The following HOXD11 variants were observed in gnomAD, a reference collection of about 807,000 sequenced individuals.
HOXD11 encodes homeobox D11, also known as homeobox protein Hox-D11.
HOXD11 carries 16 observed loss-of-function variants against 23.1 expected under a neutral mutation model. The observed-to-expected ratio is 0.69, with a 90% CI of 0.47 to 1.05. HOXD11 has a LOEUF of 1.05. Ranked by LOEUF, HOXD11 falls within the 50% of genes least tolerant of loss-of-function variation. The pLI is 0.00. For synonymous variants in HOXD11, 262 were observed against 224.4 expected, an observed-to-expected ratio of 1.17 and a Z score of -1.50; for missense variants, 564 against 495.6, an observed-to-expected ratio of 1.14 and a Z score of -1.31.
At position 176,107,801 on chromosome 2, in the gene HOXD11, C is replaced by T. The variant is rs1261156422; in HGVS notation, c.446C>T (p.Ala149Val). ...TTCAAGGCGCCTGAGCCGGTGTGCG[C>T]TGCGCCGGGGCCGCCGCACGGCCCC... ...VLFKAPEPVC[A>V]APGPPHGPAG... The change falls in exon 1 of 2, where the codon GCT becomes GTT. Residue 149 changes from alanine to valine, a missense_variant. By Grantham distance (64) the Ala-to-Val change is moderately conservative. Transcript: ENST00000249504. 7 of 1,386,788 alleles carry T rather than the reference C, an allele frequency of 5.0e-6. No homozygotes were observed. The highest frequency in any genetic ancestry group is 5.6e-6 in the Non-Finnish European group (6 of 1,070,096). 85.9% of individuals were successfully genotyped at this position (1,386,788 alleles called of 1,614,324 possible).
downstream of HOXD11, chr2:176,109,808 T>A (rs1689650511): frequency 1.8e-5 from 3 of 169,756 alleles, no homozygotes; most frequent in South Asian, 2.0e-4. Flanking sequence ...ACACTGGTTT[T>A]AAAAATCATG....
rs1266179699 is a variant in HOXD11 at position 176,109,472 on chromosome 2, G to A, written c.*330G>A. 26 of 317,356 alleles carry A rather than the reference G, an allele frequency of 8.2e-5. No homozygotes were observed. Among genetic ancestry groups the A allele is most frequent in the South Asian group, 6.8e-5 (1 of 14,628 alleles). The allele number at this position is 317,356 out of a possible 1,614,324, so 19.7% of individuals were successfully genotyped here. ...GTCTGTAGGAAGTTGGGCCGGGTTG[G>A]GGGTTGCTAGAAGGCGCTGGTGTTT... On this transcript the variant is annotated 3_prime_UTR_variant, in exon 2 of 2. Coordinates refer to ENST00000249504, the MANE Select transcript of HOXD11 (RefSeq NM_021192.3).
chr2:176,108,696 T>TGTGTGTCC (rs960078937), intron 1 of HOXD11: 9 of 579,022 alleles, frequency 1.6e-5, no homozygotes, highest in African/African-American at 1.5e-4. Flanking sequence ...TGTGTGTGTG[T>TGTGTGTCC]GTCCGGGCGT....
chr2:176,114,709 A>C (rs867809003), downstream of HOXD11, among the ~76,000 whole-genome samples: 48 of 152,206 alleles, frequency 3.2e-4, no homozygotes, highest in African/African-American at 9.9e-4. Context: ...CGGGCGGGCT[A>C]CTAGGTCCCC....
In HOXD11 at chr2:176,107,293, G is replaced by A. The variant is rs775774357; in HGVS notation, c.-63G>A. ...CCTGGCCCAAGCCTCTTGTGCAATC[G>A]ATGGCTCAGGTTGGCTGCGCGGGGA... On this transcript the variant is annotated 5_prime_UTR_variant, in exon 1 of 2. Coordinates refer to ENST00000249504, the MANE Select transcript of HOXD11 (RefSeq NM_021192.3). 3 of 1,556,776 alleles carry A rather than the reference G, an allele frequency of 1.9e-6. No individual in the cohort carries two copies. Among genetic ancestry groups the A allele is most frequent in the Non-Finnish European group, 2.6e-6 (3 of 1,150,086 alleles).
downstream of HOXD11, among the ~76,000 whole-genome samples, chr2:176,114,526 A>C (rs1689720921): frequency 6.6e-6 from 1 of 151,692 alleles, no homozygotes; most frequent in Non-Finnish European, 1.5e-5. Context: ...TCTCATTGCC[A>C]CCGCGGAGTT....
chr2:176,107,466 A>G lies in HOXD11; in HGVS notation c.111A>G (p.Gln37=). 2 of 1,613,608 alleles carry G rather than the reference A, an allele frequency of 1.2e-6. No individual in the cohort carries two copies. Among genetic ancestry groups the G allele is most frequent in the African/African-American group, 2.7e-5 (2 of 74,938 alleles). ...CTAGCAAGCCTTCGTTCCTTTCCCA[A>G]CCGTCGTCCTGCCAGATGACTTTCC... is the stretch of plus-strand genomic sequence containing the variant. ...DFASKPSFLS[Q]PSSCQMTFPY... Residue 37 remains glutamine, a synonymous_variant, in exon 1 of 2, where the codon CAA becomes CAG. Coordinates refer to ENST00000249504, the MANE Select transcript of HOXD11 (RefSeq NM_021192.3).
chr2:176,109,410 C>A lies in HOXD11; in HGVS notation c.*268C>A. 1 of 409,648 alleles carries A rather than the reference C, an allele frequency of 2.4e-6. No homozygotes were observed. Among genetic ancestry groups the A allele is most frequent in the East Asian group, 4.0e-5 (1 of 24,772 alleles). The allele number at this position is 409,648 out of a possible 1,614,324, so 25.4% of individuals were successfully genotyped here. ...TTACCGCCAGTGTGCTGTCGTTCCC[C>A]CTCCCCCTCTCCGAGTCCTCGTGGG... On this transcript the variant is annotated 3_prime_UTR_variant, in exon 2 of 2. Coordinates refer to ENST00000249504, the MANE Select transcript of HOXD11 (RefSeq NM_021192.3).
Position 176,107,831 on chromosome 2 carries a change from G to A in HOXD11, c.476G>A (p.Gly159Asp). The A allele has an allele frequency of 7.0e-7, 1 of 1,428,876 alleles. No homozygotes were observed. Among genetic ancestry groups the A allele is most frequent in the Non-Finnish European group, 9.2e-7 (1 of 1,088,208 alleles). 88.5% of individuals were successfully genotyped at this position (1,428,876 alleles called of 1,614,324 possible). Residue 159 changes from glycine (G) to aspartate (D), a missense_variant, in exon 1 of 2, where the codon GGC becomes GAC. Transcript: ENST00000249504. ...AAPGPPHGPA[G>D]AASNFYSAVG... ...CCGGGGCCGCCGCACGGCCCCGCGG[G>A]CGCCGCCTCCAACTTCTACAGCGCG...
chr2:176,107,794 G>T lies in HOXD11; in HGVS notation c.439G>T (p.Val147Leu), dbSNP rs575039707. 7.3e-6 allele frequency: 10 copies of T among 1,368,902 alleles called. No individual in the cohort carries two copies. The East Asian group carries it at 2.3e-4, about 32-fold the overall frequency. The allele number at this position is 1,368,902 out of a possible 1,614,324, so 84.8% of individuals were successfully genotyped here. A position where few individuals can be genotyped will look rare whatever the true frequency, so the allele number is the denominator to read the frequency against. ...CGTGCTCTTCAAGGCGCCTGAGCCG[G>T]TGTGCGCTGCGCCGGGGCCGCCGCA... Reference protein sequence around the residue: ...PDVLFKAPEPVCAAPGPPHGP... With the variant: ...PDVLFKAPEPLCAAPGPPHGP... The change falls in exon 1 of 2, where the codon GTG becomes TTG. Residue 147 changes from valine (V) to leucine (L), a missense_variant. Val to Leu is a conservative substitution (Grantham distance 32, BLOSUM62 1). Transcript: ENST00000249504.
chr2:176,114,343 C>T (rs1421413134), downstream of HOXD11, among the ~76,000 whole-genome samples: 2 of 152,026 alleles, frequency 1.3e-5, no homozygotes, highest in Admixed American at 1.3e-4. Context: ...TTTGTTTTTC[C>T]GGCCATCCTC....
Position 176,108,113 on chromosome 2 carries a change from G to C in HOXD11, c.758G>C (p.Gly253Ala). ...GGCGAGGGCCCCCCGGGAGAGGCGG[G>C]GGCCGAGAAGAGCAGCAGCGCAGGT... The part of the protein sequence containing the change: ...GDGEGPPGEA[G>A]AEKSSSAVAP... Residue 253 changes from glycine to alanine, a missense_variant, in exon 1 of 2, where the codon GGG becomes GCG. By Grantham distance (60) the Gly-to-Ala change is moderately conservative. Coordinates refer to ENST00000249504, the MANE Select transcript of HOXD11 (RefSeq NM_021192.3). 1 of 1,443,176 alleles carries C rather than the reference G, an allele frequency of 6.9e-7. No individual in the cohort carries two copies. The highest frequency in any genetic ancestry group is 9.1e-7 in the Non-Finnish European group (1 of 1,102,992). 89.4% of individuals were successfully genotyped at this position (1,443,176 alleles called of 1,614,324 possible).
chr2:176,114,384 C>A (rs966003019), downstream of HOXD11, among the ~76,000 whole-genome samples: 3 of 152,118 alleles, frequency 2.0e-5, no homozygotes, highest in Non-Finnish European at 4.4e-5. Flanking sequence ...AAAACAGCCA[C>A]CCCTGTGGAA....
At chr2:176,111,720 G>A (rs1187484704), downstream of HOXD11, among the ~76,000 whole-genome samples, 1 of 149,250 alleles carries the variant, frequency 6.7e-6, no homozygotes, top group East Asian at 2.0e-4. Context: ...AGATACCATA[G>A]CCACTGCTGG....
chr2:176,110,700 C>G (rs1289065969), downstream of HOXD11, among the ~76,000 whole-genome samples: 1 of 152,188 alleles, frequency 6.6e-6, no homozygotes, highest in Non-Finnish European at 1.5e-5. Context: ...GCCACCCACT[C>G]TCACACATAC....
At position 176,108,064 on chromosome 2, in the gene HOXD11, G is replaced by C; in HGVS notation, c.709G>C (p.Ala237Pro). 1 of 1,481,676 alleles carries C rather than the reference G, an allele frequency of 6.7e-7. No homozygotes were observed. Among genetic ancestry groups the C allele is most frequent in the Non-Finnish European group, 8.9e-7 (1 of 1,123,138 alleles). 91.8% of individuals were successfully genotyped at this position (1,481,676 alleles called of 1,614,324 possible). Residue 237 changes from alanine (A) to proline (P), a missense_variant, in exon 1 of 2, where the codon GCA becomes CCA. By Grantham distance (27) the Ala-to-Pro change is conservative (BLOSUM62 -1). Transcript: ENST00000249504. ...GACCCCTGGCTCGGAGCCCAAGGGG[G>C]CAGCAGAAGGCAGCGGTGGCGACGG... The part of the protein sequence containing the change: ...KATPGSEPKG[A>P]AEGSGGDGEG...
chr2:176,108,698 T>TGTGTGTG, intron 1 of HOXD11: 4 of 572,446 alleles, frequency 7.0e-6, no homozygotes, highest in East Asian at 2.9e-5. Flanking sequence ...TGTGTGTGTG[T>TGTGTGTG]CCGGGCGTGA....
Position 176,107,793 on chromosome 2 carries a change from G to A in HOXD11, c.438G>A (p.Pro146=), listed in dbSNP as rs753444119. The change falls in exon 1 of 2, where the codon CCG becomes CCA. Residue 146 remains proline (P), a synonymous_variant. Transcript: ENST00000249504. ...RPDVLFKAPE[P]VCAAPGPPHG... is the part of the protein sequence containing the mutation. ...ACGTGCTCTTCAAGGCGCCTGAGCC[G>A]GTGTGCGCTGCGCCGGGGCCGCCGC... is the stretch of plus-strand genomic sequence containing the variant. 10 of 1,367,324 alleles carry A rather than the reference G, an allele frequency of 7.3e-6. No individual in the cohort carries two copies. The South Asian group carries it at 1.6e-4, about 22-fold the overall frequency. The allele number at this position is 1,367,324 out of a possible 1,614,324, so 84.7% of individuals were successfully genotyped here. A position where few individuals can be genotyped will look rare whatever the true frequency, so the allele number is the denominator to read the frequency against.
In HOXD11 at chr2:176,107,849, A is replaced by T. The variant is rs1312106430; in HGVS notation, c.494A>T (p.Tyr165Phe). 6.9e-7 allele frequency: 1 copy of T among 1,445,766 alleles called. No individual in the cohort carries two copies. The highest frequency in any genetic ancestry group is 1.5e-5 in the African/African-American group (1 of 67,110). The allele number at this position is 1,445,766 out of a possible 1,614,324, so 89.6% of individuals were successfully genotyped here. A position where few individuals can be genotyped will look rare whatever the true frequency, so the allele number is the denominator to read the frequency against. Residue 165 changes from tyrosine (Y) to phenylalanine (F), a missense_variant, in exon 1 of 2, where the codon TAC (tyrosine) becomes TTC (phenylalanine). Transcript: ENST00000249504. ...CCCGCGGGCGCCGCCTCCAACTTCT[A>T]CAGCGCGGTGGGCCGCAATGGCATC... Reference protein sequence around the residue: ...HGPAGAASNFYSAVGRNGILP... With the variant: ...HGPAGAASNFFSAVGRNGILP...
Sources: allele counts gnomAD v4.1 joint callset (sites outside exome capture counted in the v4.1 genomes callset), GRCh38; gene constraint gnomAD v4.1.1; transcripts MANE v1.5; gene names NCBI Gene and HGNC (gene_info 2026-07-23, HGNC 2026-07-21).